Variants in VWA3A observed in about 807,000 individuals in gnomAD.
VWA3A encodes the protein von Willebrand factor A domain containing 3A, also known as von Willebrand factor A domain-containing protein 3A.
A neutral mutation model predicts 160.4 loss-of-function variants in VWA3A; 134 were observed. The observed-to-expected ratio is 0.84, with a 90% CI of 0.73 to 0.96. The LOEUF (loss-of-function observed/expected upper bound fraction) is 0.96. Ranked by LOEUF, VWA3A falls within the 40% of genes least tolerant of loss-of-function variation. The pLI is 0.00. For synonymous variants in VWA3A, 476 were observed against 543.4 expected, an observed-to-expected ratio of 0.88 and a Z score of 1.72; for missense variants, 1,310 against 1,447.9, an observed-to-expected ratio of 0.90 and a Z score of 1.55.
chr16:22,131,461 C>G, intron 18 of VWA3A, 124 bp from the exon 19 acceptor site: 1 of 1,500,346 alleles, frequency 6.7e-7, no homozygotes. Flanking sequence ...GCCATCTTCA[C>G]TTTATGAGAG....
At chr16:22,111,352 T>C (rs2045549821) in intron 8 of VWA3A, among the ~76,000 whole-genome samples, 1 of 152,038 alleles carries the variant, frequency 6.6e-6, no homozygotes, top group African/African-American at 2.4e-5. Context: ...CAGGATCTCA[T>C]TGTGTCTCCC....
rs182992050 is a variant in VWA3A, at chr16:22,112,419, G to A, written c.689+1425G>A. The stretch of plus-strand genomic sequence containing the variant: ...AGCCACGATGGGATTCCAGATCCCA[G>A]GAAAAGGCACATGCTTTGGCCAGGG... On this transcript the variant is annotated intron_variant, in intron 8 of 33. Coordinates refer to ENST00000389398, the MANE Select transcript of VWA3A (RefSeq NM_173615.5). 4.6e-5 allele frequency among the ~76,000 whole-genome samples: 7 copies of A among 152,338 alleles called. No individual in the cohort carries two copies. In the East Asian group the frequency reaches 1.2e-3, roughly 25 times the overall value.
At chr16:22,152,723 G>A (rs1209361707) in intron 31 of VWA3A, 89 bp downstream of exon 31, 1 of 1,517,224 alleles carries the variant, frequency 6.6e-7, no homozygotes, top group Non-Finnish European at 8.8e-7. Flanking sequence ...TGAACTCCTG[G>A]GCTCAAGTGA....
chr16:22,100,764 T>G (rs1283504442), intron 5 of VWA3A, among the ~76,000 whole-genome samples: 1 of 150,118 alleles, frequency 6.7e-6, no homozygotes, highest in Non-Finnish European at 1.5e-5. Context: ...TCGCTTGAAC[T>G]CGGGAGGTGG....
intron 3 of VWA3A, 146 bp downstream of exon 3, chr16:22,097,841 C>A: frequency 8.6e-7 from 1 of 1,162,222 alleles, no homozygotes; most frequent in Non-Finnish European, 1.2e-6. Flanking sequence ...TAATCCTCTG[C>A]CTTCAGAAAT....
chr16:22,123,308 T>C, intron 15 of VWA3A, 143 bp downstream of exon 15: 1 of 1,119,502 alleles, frequency 8.9e-7, no homozygotes, highest in Non-Finnish European at 1.3e-6. Context: ...ACAGGCCTCC[T>C]GAAGCTTTGG....
At chr16:22,101,862 G>C (rs2045412841) in intron 5 of VWA3A, among the ~76,000 whole-genome samples, 1 of 152,174 alleles carries the variant, frequency 6.6e-6, no homozygotes, top group African/African-American at 2.4e-5. Flanking sequence ...TTAGCTAACT[G>C]GTCATTTGGC....
intron 21 of VWA3A, among the ~76,000 whole-genome samples, chr16:22,135,716 C>G (rs1456819567): frequency 2.6e-5 from 4 of 152,204 alleles, no homozygotes; most frequent in African/African-American, 9.7e-5. Flanking sequence ...TTTGCACCTG[C>G]TGTTTCCTCT....
intron 17 of VWA3A, 81 bp downstream of exon 17, chr16:22,126,378 G>T (rs2045850837): frequency 2.6e-6 from 4 of 1,541,074 alleles, no homozygotes; most frequent in Non-Finnish European, 3.5e-6. Context: ...TTTGGACGTT[G>T]CTGGACGATA....
intron 9 of VWA3A, among the ~76,000 whole-genome samples, chr16:22,115,973 A>G (rs1489523277): frequency 1.2e-4 from 6 of 48,856 alleles, no homozygotes; most frequent in South Asian, 1.5e-3. Context: ...GGAGGGAGGG[A>G]GAGAGAGAGA....
intron 9 of VWA3A, chr16:22,116,481 AAAG>A (rs1251059069): frequency 5.0e-5 from 26 of 519,660 alleles, no homozygotes; most frequent in South Asian, 3.1e-4. Flanking sequence ...GAGAGAAAGA[AAAG>A]AAAGAGAAGG....
rs1326050539 is a variant in VWA3A at position 22,152,612 on chromosome 16, C to T, written c.3383C>T (p.Thr1128Ile). Reference sequence around the variant, plus strand: ...CTCTCCAAAATTCACAGCCTGCTGACCAAAGGCTTCATCAATGAAAAGGTA... The same window carrying T: ...CTCTCCAAAATTCACAGCCTGCTGATCAAAGGCTTCATCAATGAAAAGGTA... ...DTLSKIHSLL[T>I]KGFINEKDPT... Residue 1128 changes from threonine to isoleucine, a missense_variant, in exon 31 of 34, where the codon ACC (threonine) becomes ATC (isoleucine). Coordinates refer to ENST00000389398, the MANE Select transcript of VWA3A (RefSeq NM_173615.5). 2 of 1,607,952 alleles carry T rather than the reference C, an allele frequency of 1.2e-6. No homozygotes were observed. Among genetic ancestry groups the T allele is most frequent in the South Asian group, 1.1e-5 (1 of 89,714 alleles).
At position 22,121,677 on chromosome 16, in the gene VWA3A, C is replaced by G. The variant is rs2045737279; in HGVS notation, c.1356+60C>G. 7 of 1,346,492 alleles carry G rather than the reference C, an allele frequency of 5.2e-6. No individual in the cohort carries two copies. In the South Asian group the frequency reaches 8.3e-5, roughly 16 times the overall value. The allele number at this position is 1,346,492 out of a possible 1,614,324, so 83.4% of individuals were successfully genotyped here. On this transcript the variant is annotated intron_variant, in intron 14 of 33. Coordinates refer to ENST00000389398, the MANE Select transcript of VWA3A (RefSeq NM_173615.5). Reference sequence around the variant, plus strand: ...CAGGAGAGCTCCCTTGTGGCTTTTCCTACCTTCATAAATGTTCTGGCAGTA... The same window carrying G: ...CAGGAGAGCTCCCTTGTGGCTTTTCGTACCTTCATAAATGTTCTGGCAGTA...
In VWA3A at chr16:22,092,579, T is replaced by C; in HGVS notation, c.-59T>C. 6.5e-7 allele frequency: 1 copy of C among 1,545,936 alleles called. No homozygotes were observed. The highest frequency in any genetic ancestry group is 8.7e-7 in the Non-Finnish European group (1 of 1,143,414). The stretch of plus-strand genomic sequence containing the variant: ...GAGCTTGGAGAAACCAGAAGTGAGA[T>C]CCAGGAGAAGTAAGGCCCTGGAGTG... On this transcript the variant is annotated 5_prime_UTR_variant, in exon 1 of 34. Transcript: ENST00000389398.
At position 22,097,569 on chromosome 16, in the gene VWA3A, T is replaced by C. The variant is rs1348677714; in HGVS notation, c.102-3T>C. 1.3e-6 allele frequency: 2 copies of C among 1,551,336 alleles called. No homozygotes were observed. The highest frequency in any genetic ancestry group is 2.0e-5 in the Admixed American group (1 of 50,994). On this transcript the variant is annotated splice_region_variant and splice_polypyrimidine_tract_variant and intron_variant, in intron 2 of 33. Coordinates refer to ENST00000389398, the MANE Select transcript of VWA3A (RefSeq NM_173615.5). Reference sequence around the variant, plus strand: ...ATTGATCAAATTACTTTATGTTTTGTAGCATTAGGAGAAACACTGGCAGAG... The same window carrying C: ...ATTGATCAAATTACTTTATGTTTTGCAGCATTAGGAGAAACACTGGCAGAG...
At chr16:22,145,307 C>G (rs540636408) in intron 26 of VWA3A, among the ~76,000 whole-genome samples, 10 of 152,302 alleles carry the variant, frequency 6.6e-5, no homozygotes, top group African/African-American at 2.4e-4. Flanking sequence ...AATTTATGAA[C>G]TTCTTACCCC....
rs1427768631 is a variant in VWA3A, at chr16:22,110,968, A to AGACCCCATGGAAGTCAGCGC, written c.664_683dup (p.Ser229ThrfsTer17). 6.2e-7 allele frequency: 1 copy of AGACCCCATGGAAGTCAGCGC among 1,609,450 alleles called. No individual in the cohort carries two copies. Among genetic ancestry groups the AGACCCCATGGAAGTCAGCGC allele is most frequent in the African/African-American group, 1.3e-5 (1 of 74,902 alleles). On this transcript the variant is annotated frameshift_variant, in exon 8 of 34. Transcript: ENST00000389398. LOFTEE classifies it high-confidence loss of function. ...GCACCAATGCCGGGTCCCTCTGGCCAGACCCCATGGAAGTCAGCGCCTCCA... is the reference window on the plus strand; with the variant it reads ...GCACCAATGCCGGGTCCCTCTGGCCAGACCCCATGGAAGTCAGCGCGACCCCATGGAAGTCAGCGCCTCCA...
At chr16:22,133,367 G>A (rs764885420) in intron 20 of VWA3A, among the ~76,000 whole-genome samples, 20 of 152,112 alleles carry the variant, frequency 1.3e-4, no homozygotes, top group Non-Finnish European at 2.5e-4. Context: ...CTTAAAAGAA[G>A]TAGGCCAGGA....
At chr16:22,124,308 C>T (rs1422286927) in intron 16 of VWA3A, among the ~76,000 whole-genome samples, 1 of 151,310 alleles carries the variant, frequency 6.6e-6, no homozygotes, top group East Asian at 1.9e-4. Context: ...GGGTCAAATG[C>T]CCATCCCTGG....
Sources: gnomAD v4.1 joint callset for allele counts (sites outside exome capture counted in the v4.1 genomes callset) on GRCh38, gnomAD v4.1.1 for gene constraint, MANE v1.5 for transcripts, NCBI Gene and HGNC (gene_info 2026-07-23, HGNC 2026-07-21) for gene names.